Variants in AAK1 observed in about 807,000 individuals in gnomAD.
AAK1 encodes the protein AP2 associated kinase 1, also known as AP2-associated protein kinase 1.
Under a neutral mutation model 116.0 loss-of-function variants are expected in AAK1, and 37 were observed. The ratio of observed to expected loss-of-function variants is 0.32; its 90% CI spans 0.25 to 0.42. AAK1 has a LOEUF of 0.42. Among genes scored for constraint, AAK1 ranks in the 10% least tolerant of loss-of-function variants. AAK1 has a pLI of 1.00. For missense variants in AAK1, 919 were observed against 1,170.6 expected (o/e 0.79, Z 3.14); for synonymous variants, 458 against 439.9 (o/e 1.04, Z -0.51).
intron 2 of AAK1, among the ~76,000 whole-genome samples, chr2:69,617,082 G>A (rs1382061828): frequency 6.6e-6 from 1 of 152,114 alleles, no homozygotes; most frequent in East Asian, 1.9e-4. Flanking sequence ...CAAGGAAAAA[G>A]CAAACCTACT....
chr2:69,586,435 G>A lies in AAK1; in HGVS notation c.164-29457C>T, dbSNP rs1237661692. ...TTACAGAGCTTCAGGAGCTCAAAGA[G>A]GGCCTGGCAATGACAATATTCAAAA... is the stretch of plus-strand genomic sequence containing the variant. On this transcript the variant is annotated intron_variant, in intron 2 of 21. Transcript: ENST00000409085. Among the ~76,000 whole-genome samples the A allele has an allele frequency of 2.0e-5, 3 of 152,140 alleles. No individual in the cohort carries two copies. In the East Asian group the frequency reaches 5.8e-4, roughly 29 times the overall value.
intron 19 of AAK1, among the ~76,000 whole-genome samples, chr2:69,480,480 T>C (rs571137086): frequency 4.3e-4 from 66 of 152,264 alleles, no homozygotes; most frequent in African/African-American, 1.6e-3. Flanking sequence ...CGGACATCAC[T>C]GGCATTGGCA....
At chr2:69,626,560 C>T (rs1256504340) in intron 2 of AAK1, among the ~76,000 whole-genome samples, 2 of 151,000 alleles carry the variant, frequency 1.3e-5, no homozygotes, top group East Asian at 1.9e-4. Flanking sequence ...AGTGAGGTGG[C>T]GCGATCACAG....
At chr2:69,556,369 T>C (rs1572953755) in intron 3 of AAK1, among the ~76,000 whole-genome samples, 3 of 152,220 alleles carry the variant, frequency 2.0e-5, no homozygotes, top group Admixed American at 2.0e-4. Flanking sequence ...TGGTCTAGGT[T>C]TCCAGGCCAA....
At position 69,520,915 on chromosome 2, in the gene AAK1, G is replaced by T; in HGVS notation, c.1129C>A (p.Pro377Thr). Reference sequence around the variant, plus strand: ...TGGATGGGAAGGATTCCTGGGTTCGGCTGAGTCTGCCCAGCTTTAGGCCTC... The same window carrying T: ...TGGATGGGAAGGATTCCTGGGTTCGTCTGAGTCTGCCCAGCTTTAGGCCTC... ...RQRPKAGQTQ[P>T]NPGILPIQPA... The change falls in exon 11 of 22, where the codon CCG (proline) becomes ACG (threonine). Residue 377 changes from proline to threonine, a missense_variant. Physicochemically the swap from Pro to Thr is conservative, Grantham distance 38. Around this residue, in one of 4 missense-constraint regions of AAK1, gnomAD observed 317 missense variants for 490.4 expected, o/e 0.65. Coordinates refer to ENST00000409085, the MANE Select transcript of AAK1 (RefSeq NM_014911.5). The T allele has an allele frequency of 6.2e-7, 1 of 1,611,446 alleles. No individual in the cohort carries two copies. Among genetic ancestry groups the T allele is most frequent in the Non-Finnish European group, 8.5e-7 (1 of 1,178,478 alleles).
intron 2 of AAK1, among the ~76,000 whole-genome samples, chr2:69,557,445 G>A (rs181575018): frequency 1.3e-5 from 2 of 151,960 alleles, no homozygotes; most frequent in African/African-American, 4.8e-5. Context: ...GGGATTACAG[G>A]TGTACACCAC....
intron 16 of AAK1, among the ~76,000 whole-genome samples, chr2:69,497,761 C>CAAG (rs1675806204): frequency 6.6e-6 from 1 of 151,986 alleles, no homozygotes; most frequent in African/African-American, 2.4e-5. Context: ...TACAGAACCA[C>CAAG]AAGAAGTTCC....
Position 69,519,089 on chromosome 2 carries a change from G to C in AAK1, c.1362C>G (p.Pro454=), listed in dbSNP as rs779560247. ...GCTGGGGTGTGGCCTGGGCCTGAGC[G>C]GGCAGACCCTGGGCCTGAGTAGAAG... ...QTPSTQAQGL[P]AQAQATPQHQ... Residue 454 remains proline, a synonymous_variant, in exon 12 of 22, where the codon CCC becomes CCG. Transcript: ENST00000409085. 19 of 1,552,128 alleles carry C rather than the reference G, an allele frequency of 1.2e-5. No homozygotes were observed. The highest frequency in any genetic ancestry group is 1.5e-5 in the Non-Finnish European group (17 of 1,147,340).
At chr2:69,563,658 C>G (rs1671741187) in intron 2 of AAK1, among the ~76,000 whole-genome samples, 1 of 152,198 alleles carries the variant, frequency 6.6e-6, no homozygotes, top group Non-Finnish European at 1.5e-5. Flanking sequence ...GGCCCATTTT[C>G]TGCTCTTCGT....
intron 2 of AAK1, among the ~76,000 whole-genome samples, chr2:69,610,050 CAAAAAAAA>C (rs760754177): frequency 1.9e-5 from 1 of 53,540 alleles, no homozygotes; most frequent in Admixed American, 1.6e-4. Flanking sequence ...GACTCTGTCT[CAAAAAAAA>C]AAAAAAAAAA....
rs912787379 is a variant in AAK1, at chr2:69,472,960, C to G, written c.*2909G>C. 7 of 985,624 alleles carry G rather than the reference C, an allele frequency of 7.1e-6. No homozygotes were observed. The South Asian group carries it at 2.3e-4, about 33-fold the overall frequency. 61.1% of individuals were successfully genotyped at this position (985,624 alleles called of 1,614,324 possible). A position where few individuals can be genotyped will look rare whatever the true frequency, so the allele number is the denominator to read the frequency against. On this transcript the variant is annotated 3_prime_UTR_variant, in exon 22 of 22. Coordinates refer to ENST00000409085, the MANE Select transcript of AAK1 (RefSeq NM_014911.5). Reference sequence around the variant, plus strand: ...ATTATAATTCTTTAAAATGTAAACACTGCTACCGTAATAGCAGGAACTACA... The same window carrying G: ...ATTATAATTCTTTAAAATGTAAACAGTGCTACCGTAATAGCAGGAACTACA...
chr2:69,504,340 G>A (rs558539832), intron 16 of AAK1, among the ~76,000 whole-genome samples: 76 of 143,370 alleles, frequency 5.3e-4, no homozygotes, highest in South Asian at 1.1e-3. Flanking sequence ...AGAGTTTGCA[G>A]TGAGCCGAGA....
intron 13 of AAK1, among the ~76,000 whole-genome samples, chr2:69,514,247 C>T (rs1383858653): frequency 2.0e-5 from 3 of 152,134 alleles, no homozygotes; most frequent in Non-Finnish European, 4.4e-5. Flanking sequence ...ATTAAGAAGG[C>T]TCTTCATCAG....
intron 5 of AAK1, among the ~76,000 whole-genome samples, chr2:69,539,129 G>GAGAGGCT (rs1443113374): frequency 2.0e-5 from 3 of 152,166 alleles, no homozygotes; most frequent in African/African-American, 7.2e-5. Context: ...CTCAGGCTCG[G>GAGAGGCT]AGAGGCTAGT....
At chr2:69,536,751 C>G (rs936237137) in intron 5 of AAK1, among the ~76,000 whole-genome samples, 1 of 152,180 alleles carries the variant, frequency 6.6e-6, no homozygotes. Context: ...CTACTGACCT[C>G]TTCATCTCAA....
chr2:69,478,815 T>C (rs527965644), intron 20 of AAK1, 136 bp downstream of exon 20: 13 of 679,638 alleles, frequency 1.9e-5, no homozygotes, highest in East Asian at 1.1e-4. Flanking sequence ...ATCTAGGAGA[T>C]ACTCAAGTTT....
Position 69,467,800 on chromosome 2 carries a change from A to G in AAK1, c.*8069T>C. The G allele has an allele frequency of 1.0e-6, 1 of 985,450 alleles. No homozygotes were observed. Among genetic ancestry groups the G allele is most frequent in the Non-Finnish European group, 1.2e-6 (1 of 829,932 alleles). 61.0% of individuals were successfully genotyped at this position (985,450 alleles called of 1,614,324 possible). On this transcript the variant is annotated 3_prime_UTR_variant, in exon 22 of 22. Coordinates refer to ENST00000409085, the MANE Select transcript of AAK1 (RefSeq NM_014911.5). ...CCACAGCAGAAGAGGCATTAAAATCAGTTTATTGGGAAACCAGTCACTTAG... is the reference window on the plus strand; with the variant it reads ...CCACAGCAGAAGAGGCATTAAAATCGGTTTATTGGGAAACCAGTCACTTAG...
At chr2:69,552,253 A>G (rs187940382) in intron 3 of AAK1, among the ~76,000 whole-genome samples, 10 of 152,360 alleles carry the variant, frequency 6.6e-5, no homozygotes, top group Non-Finnish European at 1.3e-4. Context: ...GATTAATGGA[A>G]GGGAATAGAG....
At position 69,475,840 on chromosome 2, in the gene AAK1, A is replaced by AC. The variant is rs753764968; in HGVS notation, c.*28dup. ...AAATGTATTTTACGGTATGAAGGTT[A>AC]CAGAACTGCATCTGCTACTGGGTCA... is the stretch of plus-strand genomic sequence containing the variant. On this transcript the variant is annotated 3_prime_UTR_variant, in exon 22 of 22. Coordinates refer to ENST00000409085, the MANE Select transcript of AAK1 (RefSeq NM_014911.5). 3 of 1,600,252 alleles carry AC rather than the reference A, an allele frequency of 1.9e-6. No individual in the cohort carries two copies. Among genetic ancestry groups the AC allele is most frequent in the Non-Finnish European group, 2.6e-6 (3 of 1,172,950 alleles).
Sources: gnomAD v4.1 joint callset for allele counts (sites outside exome capture counted in the v4.1 genomes callset) on GRCh38, gnomAD v4.1.1 for gene constraint, gnomAD v4.1.1 regional missense constraint, MANE v1.5 for transcripts, NCBI Gene and HGNC (gene_info 2026-07-23, HGNC 2026-07-21) for gene names.